NDC80: variants seen among roughly 807,000 people sequenced by gnomAD.
The protein encoded by NDC80 is NDC80 kinetochore complex component, also known as kinetochore protein NDC80 homolog.
NDC80 carries 69 observed loss-of-function variants against 89.3 expected under a neutral mutation model. The ratio of observed to expected loss-of-function variants is 0.77; its 90% CI spans 0.64 to 0.94. The LOEUF (loss-of-function observed/expected upper bound fraction) is 0.94. NDC80 is among the 40% of genes least tolerant of loss of function. The probability of loss-of-function intolerance (pLI) is 0.00; values close to 1 mark genes in which losing one functional copy is unlikely to be tolerated. For missense variants in NDC80, 593 were observed against 739.6 expected, an observed-to-expected ratio of 0.80 and a Z score of 2.30; for synonymous variants, 243 against 255.6, an observed-to-expected ratio of 0.95 and a Z score of 0.47.
intron 6 of NDC80, among the ~76,000 whole-genome samples, chr18:2,583,948 T>C (rs1366510553): frequency 1.3e-5 from 2 of 152,174 alleles, no homozygotes; most frequent in East Asian, 3.8e-4. Flanking sequence ...TTCTTAGAAG[T>C]TAGTATTCTT....
chr18:2,595,790 C>T (rs1214580470), intron 11 of NDC80, among the ~76,000 whole-genome samples, 169 bp downstream of exon 11: 1 of 152,102 alleles, frequency 6.6e-6, no homozygotes, highest in Non-Finnish European at 1.5e-5. Flanking sequence ...AGTAACATCC[C>T]AATTTCTCTC....
intron 11 of NDC80, among the ~76,000 whole-genome samples, chr18:2,596,709 A>G (rs961902720): frequency 1.3e-4 from 20 of 152,278 alleles, no homozygotes; most frequent in African/African-American, 4.3e-4. Flanking sequence ...TCATGCTGCT[A>G]TAAAGACCCA....
Position 2,588,914 on chromosome 18 carries a change from C to A in NDC80, c.764-290C>A, listed in dbSNP as rs554535638. 7.9e-5 allele frequency among the ~76,000 whole-genome samples: 12 copies of A among 152,174 alleles called. No homozygotes were observed. In the East Asian group the frequency reaches 2.3e-3, roughly 29 times the overall value. On this transcript the variant is annotated intron_variant, in intron 8 of 16. Transcript: ENST00000261597. ...GTAATGAATAGGATAAAAACCTCTG[C>A]CCTTATGAGCTTACATTTTAGTAGA...
In NDC80 at chr18:2,606,058, T is replaced by C. The variant is rs77455722; in HGVS notation, c.1465-357T>C. Reference sequence around the variant, plus strand: ...ATACAAATGAAAAGCTAAATAGCTGTAGTAGATATAGTCTAAATAAAGCTA... The same window carrying C: ...ATACAAATGAAAAGCTAAATAGCTGCAGTAGATATAGTCTAAATAAAGCTA... On this transcript the variant is annotated intron_variant, in intron 13 of 16. Coordinates refer to ENST00000261597, the MANE Select transcript of NDC80 (RefSeq NM_006101.3). Among the ~76,000 whole-genome samples, 1,739 of 151,868 alleles carry C rather than the reference T, an allele frequency of 0.011. 70 individuals are homozygous for C. In the East Asian group the frequency reaches 0.15, roughly 13 times the overall value.
chr18:2,601,707 AC>A (rs2072685048), intron 13 of NDC80, among the ~76,000 whole-genome samples: 1 of 152,144 alleles, frequency 6.6e-6, no homozygotes, highest in Non-Finnish European at 1.5e-5. Context: ...GCGAGATGAA[AC>A]TAAGTAAATT....
chr18:2,615,897 T>C (rs914778891), intron 16 of NDC80, among the ~76,000 whole-genome samples: 1 of 152,102 alleles, frequency 6.6e-6, no homozygotes, highest in African/African-American at 2.4e-5. Flanking sequence ...CATGTGTGTG[T>C]AATAAAGGTA....
chr18:2,580,477 C>G (rs2072571056), intron 6 of NDC80, among the ~76,000 whole-genome samples: 1 of 152,018 alleles, frequency 6.6e-6, no homozygotes, highest in Non-Finnish European at 1.5e-5. Context: ...TACTGTTCCC[C>G]TGACATTGTC....
chr18:2,607,824 CAT>C (rs1395602764), intron 14 of NDC80, among the ~76,000 whole-genome samples: 1 of 150,658 alleles, frequency 6.6e-6, no homozygotes, highest in Non-Finnish European at 1.5e-5. Flanking sequence ...GATATACAAA[CAT>C]ATATTTTTTT....
intron 10 of NDC80, among the ~76,000 whole-genome samples, 173 bp downstream of exon 10, chr18:2,590,335 T>C (rs7241590): frequency 0.73 from 110,664 of 152,178 alleles, 40,575 homozygotes; most frequent in East Asian, 0.87. Flanking sequence ...TCACAAATGA[T>C]CACAAGTTTG....
chr18:2,611,033 G>C (rs1209840105), intron 16 of NDC80, among the ~76,000 whole-genome samples, 172 bp downstream of exon 16: 3 of 148,170 alleles, frequency 2.0e-5, no homozygotes, highest in Admixed American at 1.4e-4. Context: ...TGATGCAGGG[G>C]AACACTTGAG....
At chr18:2,598,926 G>T (rs1227579681) in intron 11 of NDC80, 93 bp from the exon 12 acceptor site, 2 of 1,250,904 alleles carry the variant, frequency 1.6e-6, no homozygotes, top group African/African-American at 3.0e-5. Context: ...AAATAGGTGT[G>T]ATATGTTTTG....
chr18:2,583,676 C>T (rs144962130), intron 6 of NDC80, among the ~76,000 whole-genome samples: 44 of 144,632 alleles, frequency 3.0e-4, no homozygotes, highest in Admixed American at 6.3e-4. Flanking sequence ...CCAGCCTGGG[C>T]GACAGAGGGA....
At chr18:2,594,461 T>C (rs2072643720) in intron 10 of NDC80, 1 of 162,218 alleles carries the variant, frequency 6.2e-6, no homozygotes, top group African/African-American at 2.4e-5. Flanking sequence ...TGGCCATTGT[T>C]TCATGGTCCT....
chr18:2,596,269 C>T (rs1359113801), intron 11 of NDC80, among the ~76,000 whole-genome samples: 1 of 152,142 alleles, frequency 6.6e-6, no homozygotes, highest in South Asian at 2.1e-4. Context: ...TTTTCGCAAC[C>T]TACTCATCTG....
intron 8 of NDC80, 146 bp from the exon 9 acceptor site, chr18:2,589,058 T>C: frequency 3.3e-6 from 2 of 612,760 alleles, no homozygotes; most frequent in Middle Eastern, 5.2e-4. Context: ...AAGGGTTTGC[T>C]GTTTTACAAG....
chr18:2,592,358 GT>G (rs568473370), intron 10 of NDC80, among the ~76,000 whole-genome samples: 79 of 140,576 alleles, frequency 5.6e-4, no homozygotes, highest in Non-Finnish European at 6.2e-4. Flanking sequence ...GTTTTATTTT[GT>G]TTTTTTTTTT....
chr18:2,588,326 C>T (rs2072611849), intron 8 of NDC80, among the ~76,000 whole-genome samples: 1 of 151,958 alleles, frequency 6.6e-6, no homozygotes, highest in African/African-American at 2.4e-5. Context: ...ATTAAAGCAC[C>T]AATTAGTCAA....
chr18:2,590,413 C>T (rs1203799668), intron 10 of NDC80, among the ~76,000 whole-genome samples: 1 of 152,190 alleles, frequency 6.6e-6, no homozygotes, highest in Non-Finnish European at 1.5e-5. Flanking sequence ...ATCTGCATCC[C>T]TCCAAGGACT....
chr18:2,610,625 T>G (rs1210485003), intron 15 of NDC80, 134 bp from the exon 16 acceptor site: 1 of 475,168 alleles, frequency 2.1e-6, no homozygotes, highest in African/African-American at 2.0e-5. Flanking sequence ...CTCTACAAAT[T>G]ATACATATAG....
Sources: gnomAD v4.1 joint callset for allele counts (sites outside exome capture counted in the v4.1 genomes callset) on GRCh38, gnomAD v4.1.1 for gene constraint, MANE v1.5 for transcripts, NCBI Gene and HGNC (gene_info 2026-07-23, HGNC 2026-07-21) for gene names.